Variants in SLC2A9 observed in about 807,000 individuals in gnomAD.
The protein encoded by SLC2A9 is solute carrier family 2, facilitated glucose transporter member 9.
In SLC2A9, 39 loss-of-function variants were observed where a neutral mutation model predicts 50.6. The ratio of observed to expected loss-of-function variants is 0.77; its 90% CI spans 0.60 to 1.01. The LOEUF (loss-of-function observed/expected upper bound fraction) is 1.01. SLC2A9 is among the 50% of genes least tolerant of loss of function. The pLI is 0.00. For synonymous variants in SLC2A9, 324 were observed against 276.9 expected (o/e 1.17, Z -1.69); for missense variants, 686 against 677.6 (o/e 1.01, Z -0.14).
intron 3 of SLC2A9, among the ~76,000 whole-genome samples, chr4:9,812,248 C>G (rs1189582152): frequency 6.6e-6 from 1 of 152,176 alleles, no homozygotes; most frequent in Non-Finnish European, 1.5e-5. Flanking sequence ...TTTATTCATT[C>G]AGCTGCACTT....
At chr4:9,977,453 C>A (rs2109057957) in intron 5 of SLC2A9, among the ~76,000 whole-genome samples, 1 of 152,198 alleles carries the variant, frequency 6.6e-6, no homozygotes, top group South Asian at 2.1e-4. Context: ...GGGAACCTCT[C>A]ACCTTGCCCA....
In SLC2A9 at chr4:9,890,696, G is replaced by A. The variant is rs925045931; in HGVS notation, c.1129C>T (p.His377Tyr). 3 of 1,613,934 alleles carry A rather than the reference G, an allele frequency of 1.9e-6. No individual in the cohort carries two copies. The highest frequency in any genetic ancestry group is 1.7e-6 in the Non-Finnish European group (2 of 1,179,984). ...AAVFSGLVIE[H>Y]LGRRPLLIGG... ...ATGAGGAGGGGTCTCCGTCCCAGGTGCTCAATGACCAAACCCTAGTCCAGG... is the reference window on the plus strand; with the variant it reads ...ATGAGGAGGGGTCTCCGTCCCAGGTACTCAATGACCAAACCCTAGTCCAGG... Residue 377 changes from histidine (H) to tyrosine (Y), a missense_variant, in exon 9 of 12, where the codon CAC becomes TAC. Coordinates refer to ENST00000264784, the MANE Select transcript of SLC2A9 (RefSeq NM_020041.3).
intron 6 of SLC2A9, among the ~76,000 whole-genome samples, chr4:9,934,564 C>T (rs1746719116): frequency 6.6e-6 from 1 of 152,160 alleles, no homozygotes; most frequent in South Asian, 2.1e-4. Flanking sequence ...ACTATCCTAG[C>T]CATGAGCAGA....
At chr4:9,893,467 G>T (rs1026909237) in intron 8 of SLC2A9, among the ~76,000 whole-genome samples, 1 of 151,958 alleles carries the variant, frequency 6.6e-6, no homozygotes, top group African/African-American at 2.4e-5. Flanking sequence ...GGTGGGAAGT[G>T]GGGAGGGAAG....
chr4:9,986,257 G>A (rs1260106541), intron 3 of SLC2A9, among the ~76,000 whole-genome samples: 1 of 152,160 alleles, frequency 6.6e-6, no homozygotes, highest in African/African-American at 2.4e-5. Context: ...GACACCTCAG[G>A]GGCATGGAGG....
rs1228371747 is a variant in SLC2A9, at chr4:9,859,091, G to GT, written c.1292-24084dup. ...CACTGTCGGCTTCCCTATTTTTGAG[G>GT]TTTTGGACTTGAACTGATCCACCAC... On this transcript the variant is annotated intron_variant, in intron 10 of 11. Transcript: ENST00000264784. 2.0e-5 allele frequency among the ~76,000 whole-genome samples: 3 copies of GT among 152,298 alleles called. No individual in the cohort carries two copies. In the East Asian group the frequency reaches 5.8e-4, roughly 29 times the overall value.
At chr4:9,898,923 T>C (rs775824758) in intron 8 of SLC2A9, among the ~76,000 whole-genome samples, 6 of 149,462 alleles carry the variant, frequency 4.0e-5, no homozygotes, top group Non-Finnish European at 7.5e-5. Context: ...ATTAATGGTA[T>C]TGAATGCATG....
At chr4:9,960,379 T>C (rs1296539315) in intron 5 of SLC2A9, among the ~76,000 whole-genome samples, 5 of 152,170 alleles carry the variant, frequency 3.3e-5, no homozygotes, top group African/African-American at 1.2e-4. Flanking sequence ...ACTCTCCCCA[T>C]CAAATACCTA....
At chr4:9,871,316 C>A (rs945290404) in intron 10 of SLC2A9, among the ~76,000 whole-genome samples, 11 of 152,150 alleles carry the variant, frequency 7.2e-5, no homozygotes, top group African/African-American at 2.7e-4. Context: ...GCTTCTGTCA[C>A]AAATCACCAC....
At chr4:10,027,710 C>A (rs1763801397) in intron 1 of SLC2A9, among the ~76,000 whole-genome samples, 1 of 151,794 alleles carries the variant, frequency 6.6e-6, no homozygotes, top group Non-Finnish European at 1.5e-5. Flanking sequence ...GAACTGCCTA[C>A]CCAGGCATTT....
chr4:9,891,625 C>T (rs374243364), intron 8 of SLC2A9, among the ~76,000 whole-genome samples: 8 of 152,206 alleles, frequency 5.3e-5, no homozygotes, highest in Non-Finnish European at 8.8e-5. Context: ...AAAGAGAACA[C>T]GGAGGGTCAG....
intron 6 of SLC2A9, among the ~76,000 whole-genome samples, chr4:9,929,983 C>A (rs1251419263): frequency 6.6e-6 from 1 of 152,156 alleles, no homozygotes; most frequent in African/African-American, 2.4e-5. Context: ...GACTCCCCTC[C>A]AAAGACCATC....
chr4:9,940,437 TG>T (rs1747912767), intron 6 of SLC2A9, among the ~76,000 whole-genome samples: 1 of 152,132 alleles, frequency 6.6e-6, no homozygotes, highest in Non-Finnish European at 1.5e-5. Context: ...GGTTTAAGAT[TG>T]GGGGTGGGAG....
At chr4:9,950,098 C>T (rs1277349516) in intron 5 of SLC2A9, among the ~76,000 whole-genome samples, 1 of 152,178 alleles carries the variant, frequency 6.6e-6, no homozygotes, top group Non-Finnish European at 1.5e-5. Flanking sequence ...GTCAATGTCA[C>T]CCTCTCCACA....
chr4:10,015,656 T>C (rs906899508), intron 2 of SLC2A9, among the ~76,000 whole-genome samples: 13 of 152,196 alleles, frequency 8.5e-5, no homozygotes, highest in East Asian at 1.9e-4. Context: ...CCTTGCACTC[T>C]TCCTCCCTCT....
intron 5 of SLC2A9, among the ~76,000 whole-genome samples, chr4:9,942,438 C>T (rs1748336170): frequency 1.3e-5 from 2 of 152,288 alleles, no homozygotes; most frequent in African/African-American, 4.8e-5. Context: ...AGAATGGAGC[C>T]TGCATGTGGA....
intron 10 of SLC2A9, among the ~76,000 whole-genome samples, chr4:9,858,202 A>T (rs1577562269): frequency 6.6e-6 from 1 of 152,216 alleles, no homozygotes; most frequent in South Asian, 2.1e-4. Flanking sequence ...GAGGTGAAAG[A>T]TGGAAAGGTA....
chr4:9,886,466 GTGTGTGTGC>G (rs1196533007), intron 10 of SLC2A9, among the ~76,000 whole-genome samples: 5 of 126,266 alleles, frequency 4.0e-5, no homozygotes, highest in African/African-American at 1.7e-4. Flanking sequence ...GTGTGTGTGT[GTGTGTGTGC>G]TGTGTGCATG....
intron 5 of SLC2A9, among the ~76,000 whole-genome samples, chr4:9,974,236 G>A: frequency 6.6e-6 from 1 of 152,104 alleles, no homozygotes; most frequent in East Asian, 1.9e-4. Flanking sequence ...AAGACAAGGT[G>A]CCCACTCTCA....
Sources: gnomAD v4.1 joint callset for allele counts (sites outside exome capture counted in the v4.1 genomes callset) on GRCh38, gnomAD v4.1.1 for gene constraint, MANE v1.5 for transcripts, NCBI Gene and HGNC (gene_info 2026-07-23, HGNC 2026-07-21) for gene names.